The following JAKMIP1 variants were observed in gnomAD, a reference collection of about 807,000 sequenced individuals.
JAKMIP1 encodes the protein janus kinase and microtubule interacting protein 1.
In JAKMIP1, 33 loss-of-function variants were observed where a neutral mutation model predicts 113.0. That is an observed-to-expected ratio of 0.29 (90% CI 0.22 to 0.39). The LOEUF (loss-of-function observed/expected upper bound fraction) is 0.39. Ranked by LOEUF, JAKMIP1 falls within the 10% of genes least tolerant of loss-of-function variation. The pLI, the probability that JAKMIP1 is intolerant of heterozygous loss-of-function variation, is 1.00. For synonymous variants in JAKMIP1, 480 were observed against 459.9 expected (o/e 1.04, Z -0.56); for missense variants, 813 against 1,080.5 (o/e 0.75, Z 3.47).
At chr4:6,189,728 T>G (rs554145897) in intron 1 of JAKMIP1, among the ~76,000 whole-genome samples, 1 of 151,140 alleles carries the variant, frequency 6.6e-6, no homozygotes, top group East Asian at 1.9e-4. Context: ...GTGAGGGCCC[T>G]GGGGTTATGC....
chr4:6,098,325 C>T (rs556588460), intron 3 of JAKMIP1, among the ~76,000 whole-genome samples: 2 of 151,844 alleles, frequency 1.3e-5, no homozygotes, highest in East Asian at 3.9e-4. Flanking sequence ...CCCAGCTACC[C>T]GGGAGGCTGA....
rs1339946972 is a variant in JAKMIP1 at position 6,176,178 on chromosome 4, G to A, written c.-148+24075C>T. Among the ~76,000 whole-genome samples, 1 of 152,228 alleles carries A rather than the reference G, an allele frequency of 6.6e-6. No homozygotes were observed. On this transcript the variant is annotated intron_variant, in intron 1 of 20. Transcript: ENST00000409021. The surrounding 1 kb of genome is among the most constrained non-coding windows in gnomAD (Gnocchi z 5.5). ...AGGCTTGAGTTTGACTTTGAGCACAGTGGGGAGCCACGGAGAGGGTTACAC... is the reference window on the plus strand; with the variant it reads ...AGGCTTGAGTTTGACTTTGAGCACAATGGGGAGCCACGGAGAGGGTTACAC...
At chr4:6,173,165 G>A (rs1432797470) in intron 1 of JAKMIP1, among the ~76,000 whole-genome samples, 1 of 152,206 alleles carries the variant, frequency 6.6e-6, no homozygotes, top group South Asian at 2.1e-4. Flanking sequence ...CCATACAGGG[G>A]GTAGAATCTG....
chr4:6,139,902 G>A lies in JAKMIP1; in HGVS notation c.-147-26905C>T, dbSNP rs1019685559. Among the ~76,000 whole-genome samples the A allele has an allele frequency of 2.6e-5, 4 of 152,154 alleles. No individual in the cohort carries two copies. Among genetic ancestry groups the A allele is most frequent in the Non-Finnish European group, 2.9e-5 (2 of 68,040 alleles). ...GATTCCACGAGCCAAGGAATACCAA[G>A]GACTGCCACCAAAGCACAGGAAGCC... On this transcript the variant is annotated intron_variant, in intron 1 of 20. Coordinates refer to ENST00000409021, the MANE Select transcript of JAKMIP1 (RefSeq NM_001099433.2). The surrounding 1 kb of genome is among the most constrained non-coding windows in gnomAD (Gnocchi z 5.2).
At chr4:6,060,612 C>G (rs1450574453) in intron 10 of JAKMIP1, 105 bp from the exon 11 acceptor site, 2 of 824,988 alleles carry the variant, frequency 2.4e-6, no homozygotes, top group East Asian at 2.4e-5. Flanking sequence ...TCCTTATAGG[C>G]AAACCTTAGG....
chr4:6,164,720 C>A (rs1428791781), intron 1 of JAKMIP1, among the ~76,000 whole-genome samples: 3 of 152,188 alleles, frequency 2.0e-5, no homozygotes, highest in Non-Finnish European at 4.4e-5. Flanking sequence ...GAAGTTGATT[C>A]TAACCCCTAT....
Position 6,167,721 on chromosome 4 carries a change from T to G in JAKMIP1, c.-148+32532A>C, listed in dbSNP as rs1201688274. ...CTCCACCCCACCATGAATGTACTGC[T>G]ATCCTCACTTTACAGATGTGAACTG... On this transcript the variant is annotated intron_variant, in intron 1 of 20. Coordinates refer to ENST00000409021, the MANE Select transcript of JAKMIP1 (RefSeq NM_001099433.2). This position sits in a 1 kb window ranked among gnomAD's most constrained non-coding sequence, Gnocchi z 5.3. Among the ~76,000 whole-genome samples, 1 of 152,226 alleles carries G rather than the reference T, an allele frequency of 6.6e-6. No homozygotes were observed. Among genetic ancestry groups the G allele is most frequent in the African/African-American group, 2.4e-5 (1 of 41,468 alleles).
At chr4:6,084,822 C>T (rs768265707) in intron 5 of JAKMIP1, 24 bp downstream of exon 5, 21 of 1,606,608 alleles carry the variant, frequency 1.3e-5, no homozygotes, top group South Asian at 5.6e-5. Flanking sequence ...TATGAGGCAC[C>T]GCCTGTCTCT....
Position 6,044,315 on chromosome 4 carries a change from C to T in JAKMIP1, c.2029-2088G>A, listed in dbSNP as rs1424135107. 2.0e-5 allele frequency among the ~76,000 whole-genome samples: 3 copies of T among 152,096 alleles called. No individual in the cohort carries two copies. Among genetic ancestry groups the T allele is most frequent in the Non-Finnish European group, 2.9e-5 (2 of 68,034 alleles). ...AAGCAGGTGCCTAATAAACTTCTGT[C>T]GAATGAAGGAGAATCAAGGCTGTGC... On this transcript the variant is annotated intron_variant, in intron 16 of 20. Coordinates refer to ENST00000409021, the MANE Select transcript of JAKMIP1 (RefSeq NM_001099433.2). The surrounding 1 kb of genome is among the most constrained non-coding windows in gnomAD (Gnocchi z 4.4).
rs1432181129 is a variant in JAKMIP1, at chr4:6,093,815, T to G, written c.625-8186A>C. Among the ~76,000 whole-genome samples the G allele has an allele frequency of 6.6e-6, 1 of 151,446 alleles. No homozygotes were observed. Among genetic ancestry groups the G allele is most frequent in the African/African-American group, 2.4e-5 (1 of 41,170 alleles). ...GAGCCAGGTTTGCCCGTGGTAGGAG[T>G]CGGTGGGGAACAAGTCCTGGCCCAG... On this transcript the variant is annotated intron_variant, in intron 3 of 20. Coordinates refer to ENST00000409021, the MANE Select transcript of JAKMIP1 (RefSeq NM_001099433.2). This position sits in a 1 kb window ranked among gnomAD's most constrained non-coding sequence, Gnocchi z 4.6.
At chr4:6,182,398 G>A (rs1726130270) in intron 1 of JAKMIP1, among the ~76,000 whole-genome samples, 1 of 119,006 alleles carries the variant, frequency 8.4e-6, no homozygotes, top group African/African-American at 3.4e-5. Context: ...AACAGAGCGA[G>A]ACCCTGTCTC....
intron 1 of JAKMIP1, among the ~76,000 whole-genome samples, chr4:6,133,110 T>C (rs1718746017): frequency 6.6e-6 from 1 of 152,202 alleles, no homozygotes; most frequent in Admixed American, 6.5e-5. Flanking sequence ...GAGCTCATAA[T>C]GAAATAATAT....
chr4:6,179,840 T>C lies in JAKMIP1; in HGVS notation c.-148+20413A>G, dbSNP rs114419810. On this transcript the variant is annotated intron_variant, in intron 1 of 20. Coordinates refer to ENST00000409021, the MANE Select transcript of JAKMIP1 (RefSeq NM_001099433.2). This position sits in a 1 kb window ranked among gnomAD's most constrained non-coding sequence, Gnocchi z 4.5. ...ATCCCCATATGACAGATAAGGAAAC[T>C]GAGGCTCAAAGAGGTGAAGTCACTT... 3.3e-3 allele frequency among the ~76,000 whole-genome samples: 504 copies of C among 152,332 alleles called. 2 individuals are homozygous for C. The highest frequency in any genetic ancestry group is 0.011 in the African/African-American group (437 of 41,570).
In JAKMIP1 at chr4:6,088,178, T is replaced by C. The variant is rs1434349937; in HGVS notation, c.625-2549A>G. The stretch of plus-strand genomic sequence containing the variant: ...GCAAAAGAGACCAGCCGCCCTGCCC[T>C]AGGGGCTTCTATTCTGCTAGTGGGC... On this transcript the variant is annotated intron_variant, in intron 3 of 20. Coordinates refer to ENST00000409021, the MANE Select transcript of JAKMIP1 (RefSeq NM_001099433.2). This position sits in a 1 kb window ranked among gnomAD's most constrained non-coding sequence, Gnocchi z 5.5. Among the ~76,000 whole-genome samples the C allele has an allele frequency of 2.6e-5, 4 of 152,208 alleles. No homozygotes were observed. Among genetic ancestry groups the C allele is most frequent in the Non-Finnish European group, 5.9e-5 (4 of 68,038 alleles).
At position 6,081,486 on chromosome 4, in the gene JAKMIP1, G is replaced by A. The variant is rs1303013424; in HGVS notation, c.1101+123C>T. ...ACATCTGTGACTGACACTGTGCCTG[G>A]TGCTTTGTGGGGAGGTGGGCAGCAG... On this transcript the variant is annotated intron_variant, in intron 6 of 20. Transcript: ENST00000409021. The surrounding 1 kb of genome is among the most constrained non-coding windows in gnomAD (Gnocchi z 4.6). 6 of 1,031,872 alleles carry A rather than the reference G, an allele frequency of 5.8e-6. No homozygotes were observed. In the African/African-American group the frequency reaches 7.9e-5, roughly 14 times the overall value. 63.9% of individuals were successfully genotyped at this position (1,031,872 alleles called of 1,614,324 possible).
chr4:6,101,230 G>A (rs1175670608), intron 3 of JAKMIP1, among the ~76,000 whole-genome samples: 1 of 151,888 alleles, frequency 6.6e-6, no homozygotes, highest in African/African-American at 2.4e-5. Flanking sequence ...TGGGTAGTAT[G>A]ATATAGACTT....
intron 1 of JAKMIP1, among the ~76,000 whole-genome samples, chr4:6,182,423 A>AAAGAAAG (rs1553864358): frequency 1.4e-5 from 2 of 140,244 alleles, no homozygotes; most frequent in African/African-American, 5.2e-5. Flanking sequence ...AAAAAAAAAA[A>AAAGAAAG]AAAGAAAGAA....
At chr4:6,120,006 A>G (rs1354894811) in intron 1 of JAKMIP1, among the ~76,000 whole-genome samples, 1 of 152,200 alleles carries the variant, frequency 6.6e-6, no homozygotes, top group Admixed American at 6.5e-5. Context: ...ATATCTGATA[A>G]GCAGAAATTC....
At chr4:6,052,638 G>A (rs1323446009) in intron 13 of JAKMIP1, among the ~76,000 whole-genome samples, 1 of 132,920 alleles carries the variant, frequency 7.5e-6, no homozygotes, top group Non-Finnish European at 1.5e-5. Flanking sequence ...GTGACAGAGC[G>A]AGACTCTGTC....
Sources: allele counts gnomAD v4.1 joint callset (sites outside exome capture counted in the v4.1 genomes callset), GRCh38; gene constraint gnomAD v4.1.1; non-coding constraint Gnocchi (gnomAD v3.1); transcripts MANE v1.5; gene names NCBI Gene and HGNC (gene_info 2026-07-23, HGNC 2026-07-21).